The following DAB1 variants were observed in gnomAD, a reference collection of about 807,000 sequenced individuals.
DAB1 encodes DAB adaptor protein 1, also known as disabled homolog 1.
A neutral mutation model predicts 64.6 loss-of-function variants in DAB1; 15 were observed. The observed-to-expected ratio is 0.23, with a 90% CI of 0.16 to 0.36. DAB1 has a LOEUF of 0.36. Ranked by LOEUF, DAB1 falls within the 10% of genes least tolerant of loss-of-function variation. The probability of loss-of-function intolerance (pLI) is 1.00; values close to 1 mark genes in which losing one functional copy is unlikely to be tolerated. For synonymous variants in DAB1, 235 were observed against 251.9 expected (o/e 0.93, Z 0.64); for missense variants, 596 against 706.7 (o/e 0.84, Z 1.78).
At chr1:58,380,014 C>G (rs1023802304) in intron 3 of DAB1, among the ~76,000 whole-genome samples, 1 of 152,158 alleles carries the variant, frequency 6.6e-6, no homozygotes, top group African/African-American at 2.4e-5. Context: ...ATGTCAGCCC[C>G]TAGAAGCAAA....
chr1:57,912,748 C>CAGGATACA (rs1215345684), intron 5 of DAB1, among the ~76,000 whole-genome samples: 4 of 152,184 alleles, frequency 2.6e-5, no homozygotes, highest in African/African-American at 9.7e-5. Flanking sequence ...AGCAAAGTCT[C>CAGGATACA]AGGATACAAA....
At chr1:57,681,624 A>G (rs937346172) in intron 6 of DAB1, among the ~76,000 whole-genome samples, 38 of 152,290 alleles carry the variant, frequency 2.5e-4, no homozygotes, top group Admixed American at 2.4e-3. Flanking sequence ...ACATATGGTG[A>G]AGAAATAAAA....
At chr1:57,202,787 C>T (rs1199760796) in intron 2 of DAB1, among the ~76,000 whole-genome samples, 1 of 152,182 alleles carries the variant, frequency 6.6e-6, no homozygotes, top group Non-Finnish European at 1.5e-5. Flanking sequence ...TGTAATTTCC[C>T]TTCTTTAGTA....
chr1:57,678,586 G>A (rs563596976), intron 6 of DAB1, among the ~76,000 whole-genome samples: 92 of 152,224 alleles, frequency 6.0e-4, no homozygotes, highest in South Asian at 4.2e-3. Context: ...ACCTCAGGGG[G>A]TAGACTAGGA....
At chr1:58,385,417 G>T (rs1017507244) in intron 3 of DAB1, among the ~76,000 whole-genome samples, 2 of 152,084 alleles carry the variant, frequency 1.3e-5, no homozygotes, top group Admixed American at 6.6e-5. Flanking sequence ...CCTTCCAAAA[G>T]CATTTCATAT....
At chr1:57,537,004 C>T (rs1364602816) in intron 7 of DAB1, among the ~76,000 whole-genome samples, 1 of 152,028 alleles carries the variant, frequency 6.6e-6, no homozygotes, top group African/African-American at 2.4e-5. Context: ...GTATCAAATT[C>T]CTATCAGATT....
rs77501093 is a variant in DAB1, at chr1:58,415,206, C to A, written n.258-71803G>T. Among the ~76,000 whole-genome samples, 1,253 of 152,222 alleles carry A rather than the reference C, an allele frequency of 8.2e-3. 24 individuals carry two copies. The highest frequency in any genetic ancestry group is 0.029 in the African/African-American group (1,205 of 41,528). ...TGAGAACATAGCAAGAAGGTGGCCA[C>A]CTGCAAGCCAGAAGAAGAGTCCTCA... On this transcript the variant is annotated intron_variant and non_coding_transcript_variant, in intron 3 of 20. Coordinates refer to the DAB1 transcript ENST00000485760.
chr1:57,478,578 T>C (rs1019537057), intron 7 of DAB1, among the ~76,000 whole-genome samples: 1 of 149,132 alleles, frequency 6.7e-6, no homozygotes, highest in African/African-American at 2.5e-5. Flanking sequence ...TTTAACAATA[T>C]TCCCATTCTT....
chr1:57,382,301 C>T (rs2100974352), intron 1 of DAB1, among the ~76,000 whole-genome samples: 1 of 152,298 alleles, frequency 6.6e-6, no homozygotes, highest in East Asian at 1.9e-4. Flanking sequence ...CAAGATACTT[C>T]AATTTGCTTG....
intron 2 of DAB1, among the ~76,000 whole-genome samples, chr1:57,212,860 A>G (rs1247024842): frequency 6.6e-6 from 1 of 152,180 alleles, no homozygotes; most frequent in African/African-American, 2.4e-5. Context: ...TCAAGGCTGG[A>G]TGTCACCCCA....
At chr1:58,332,250 T>G (rs770479215) in intron 4 of DAB1, among the ~76,000 whole-genome samples, 1 of 152,262 alleles carries the variant, frequency 6.6e-6, no homozygotes, top group East Asian at 1.9e-4. Flanking sequence ...CCTGAATTAT[T>G]TATGACCTCA....
chr1:57,075,328 T>C (rs1247546387), intron 4 of DAB1, among the ~76,000 whole-genome samples: 1 of 152,226 alleles, frequency 6.6e-6, no homozygotes, highest in African/African-American at 2.4e-5. Flanking sequence ...TGCCTGATGA[T>C]ACCTAATACT....
intron 7 of DAB1, among the ~76,000 whole-genome samples, chr1:57,614,868 C>CTTT (rs34907824): frequency 0.042 from 1,610 of 38,686 alleles, 92 homozygotes; most frequent in African/African-American, 0.089. Flanking sequence ...TTCTTTCTTT[C>CTTT]TTTTTTTTTT....
At chr1:58,509,126 T>C (rs1646034246) in intron 2 of DAB1, among the ~76,000 whole-genome samples, 1 of 152,098 alleles carries the variant, frequency 6.6e-6, no homozygotes, top group Admixed American at 6.6e-5. Context: ...TGCTGTTTTT[T>C]CCTAATGTGT....
intron 5 of DAB1, among the ~76,000 whole-genome samples, chr1:57,952,882 C>T (rs1482816492): frequency 1.3e-5 from 2 of 152,178 alleles, no homozygotes; most frequent in Non-Finnish European, 2.9e-5. Flanking sequence ...TGAACTGAGG[C>T]ATCCCAGTCC....
intron 5 of DAB1, among the ~76,000 whole-genome samples, chr1:58,017,382 G>C (rs1201382): frequency 0.54 from 82,764 of 151,948 alleles, 23,328 homozygotes; most frequent in East Asian, 0.97. Context: ...CAGAGAACAA[G>C]AAAAATCCAA....
intron 2 of DAB1, among the ~76,000 whole-genome samples, chr1:57,257,679 A>T (rs1669871174): frequency 1.3e-5 from 2 of 152,188 alleles, no homozygotes; most frequent in South Asian, 4.1e-4. Flanking sequence ...TTTGGAGGCC[A>T]GGAGTCTTAA....
At chr1:58,299,664 G>A (rs1662076773) in intron 4 of DAB1, among the ~76,000 whole-genome samples, 1 of 152,120 alleles carries the variant, frequency 6.6e-6, no homozygotes. Flanking sequence ...CCACACCCAT[G>A]CACCTTAAAG....
intron 6 of DAB1, among the ~76,000 whole-genome samples, chr1:57,788,327 G>T (rs1650434181): frequency 6.6e-6 from 1 of 152,186 alleles, no homozygotes; most frequent in African/African-American, 2.4e-5. Context: ...CACATGATGG[G>T]ATACCACCCA....
Sources: allele counts gnomAD v4.1 joint callset (sites outside exome capture counted in the v4.1 genomes callset), GRCh38; gene constraint gnomAD v4.1.1; transcripts MANE v1.5; gene names NCBI Gene and HGNC (gene_info 2026-07-23, HGNC 2026-07-21).